The following CDC37L1 variants were observed in gnomAD, a reference collection of about 807,000 sequenced individuals.
The protein encoded by CDC37L1 is cell division cycle 37 like 1, HSP90 cochaperone.
In CDC37L1, 32 loss-of-function variants were observed where a neutral mutation model predicts 45.9. The observed-to-expected ratio is 0.70, with a 90% CI of 0.53 to 0.94. The LOEUF (loss-of-function observed/expected upper bound fraction) is 0.94. Ranked by LOEUF, CDC37L1 falls within the 40% of genes least tolerant of loss-of-function variation. The pLI is 0.00. For missense variants in CDC37L1, 434 were observed against 405.7 expected (o/e 1.07, Z -0.60); for synonymous variants, 150 against 133.0 (o/e 1.13, Z -0.88).
At position 4,706,300 on chromosome 9, in the gene CDC37L1, G is replaced by A. The variant is rs1030115022; in HGVS notation, c.*188G>A. On this transcript the variant is annotated 3_prime_UTR_variant, in exon 7 of 7. Coordinates refer to ENST00000381854, the MANE Select transcript of CDC37L1 (RefSeq NM_017913.4). ...TAGGTTTTTTGTTTTGTTTTGTTCT[G>A]AAGAGAAGAGTGGTACCATATGTTG... 1.5e-5 allele frequency: 6 copies of A among 406,364 alleles called. No individual in the cohort carries two copies. Among genetic ancestry groups the A allele is most frequent in the African/African-American group, 1.0e-4 (5 of 50,136 alleles). 25.2% of individuals were successfully genotyped at this position (406,364 alleles called of 1,614,324 possible).
intron 5 of CDC37L1, 86 bp downstream of exon 5, chr9:4,697,965 C>G: frequency 8.2e-7 from 1 of 1,220,878 alleles, no homozygotes; most frequent in Non-Finnish European, 1.2e-6. Context: ...AGAAGGCATC[C>G]AAGCAGGATG....
chr9:4,684,609 G>C (rs762598357), intron 1 of CDC37L1, among the ~76,000 whole-genome samples: 2 of 152,158 alleles, frequency 1.3e-5, no homozygotes, highest in Non-Finnish European at 2.9e-5. Flanking sequence ...CGTTTGTTAA[G>C]CACTAGCTTT....
chr9:4,696,211 T>G (rs1303963233), intron 3 of CDC37L1, among the ~76,000 whole-genome samples: 1 of 152,242 alleles, frequency 6.6e-6, no homozygotes, highest in East Asian at 1.9e-4. Flanking sequence ...TGATGTGGAA[T>G]TAAATATATA....
In CDC37L1 at chr9:4,701,676, A is replaced by C. The variant is rs539254399; in HGVS notation, c.748-188A>C. Among the ~76,000 whole-genome samples, 4 of 152,296 alleles carry C rather than the reference A, an allele frequency of 2.6e-5. No individual in the cohort carries two copies. The South Asian group carries it at 8.3e-4, about 32-fold the overall frequency. On this transcript the variant is annotated intron_variant, in intron 5 of 6. Transcript: ENST00000381854. ...GAAGCAGAAGGAAATGGAGCAAACCAATTATTAATGTTCCTATAAATCAGG... is the reference window on the plus strand; with the variant it reads ...GAAGCAGAAGGAAATGGAGCAAACCCATTATTAATGTTCCTATAAATCAGG...
chr9:4,703,907 G>A (rs1420475000), intron 6 of CDC37L1, among the ~76,000 whole-genome samples: 1 of 152,116 alleles, frequency 6.6e-6, no homozygotes, highest in East Asian at 1.9e-4. Context: ...ATTAAGCTGG[G>A]CTAATCTCCT....
chr9:4,696,399 T>C (rs942840314), intron 3 of CDC37L1, among the ~76,000 whole-genome samples: 1 of 152,046 alleles, frequency 6.6e-6, no homozygotes, highest in African/African-American at 2.4e-5. Context: ...ATCCCAGCAC[T>C]TTGGGAGGCC....
chr9:4,688,311 T>C (rs530107247), intron 2 of CDC37L1, among the ~76,000 whole-genome samples: 3 of 152,350 alleles, frequency 2.0e-5, no homozygotes, highest in East Asian at 3.9e-4. Flanking sequence ...TACATCATTT[T>C]AAACAAAATT....
Position 4,706,445 on chromosome 9 carries a change from C to A in CDC37L1, c.*333C>A. The A allele has an allele frequency of 5.6e-6, 1 of 178,536 alleles. No homozygotes were observed. The highest frequency in any genetic ancestry group is 1.2e-5 in the Non-Finnish European group (1 of 83,448). 11.1% of individuals were successfully genotyped at this position (178,536 alleles called of 1,614,324 possible). ...CAATGTTTACAAGAACTGGTTGATT[C>A]TGGGAGGCATCTGCTACAGTCTCTT... On this transcript the variant is annotated 3_prime_UTR_variant, in exon 7 of 7. Coordinates refer to ENST00000381854, the MANE Select transcript of CDC37L1 (RefSeq NM_017913.4).
intron 1 of CDC37L1, among the ~76,000 whole-genome samples, chr9:4,680,779 T>C (rs1563765952): frequency 6.6e-6 from 1 of 152,248 alleles, no homozygotes; most frequent in African/African-American, 2.4e-5. Context: ...GTCTGCCGCC[T>C]TCTTGCAAAA....
intron 6 of CDC37L1, 76 bp from the exon 7 acceptor site, chr9:4,705,935 A>T (rs1841437169): frequency 1.6e-6 from 1 of 637,018 alleles, no homozygotes; most frequent in Non-Finnish European, 2.9e-6. Flanking sequence ...AACTGAATAT[A>T]TATGTATGTA....
rs141873380 is a variant in CDC37L1, at chr9:4,698,809, G to A, written c.747+930G>A. ...TAATTTTCATTTTCATTCCTCAGTAGTGTACAATAGAGATTAATGCGGAAG... is the reference window on the plus strand; with the variant it reads ...TAATTTTCATTTTCATTCCTCAGTAATGTACAATAGAGATTAATGCGGAAG... On this transcript the variant is annotated intron_variant, in intron 5 of 6. Coordinates refer to ENST00000381854, the MANE Select transcript of CDC37L1 (RefSeq NM_017913.4). Among the ~76,000 whole-genome samples, 745 of 152,214 alleles carry A rather than the reference G, an allele frequency of 4.9e-3. 4 individuals are homozygous for A. Among genetic ancestry groups the A allele is most frequent in the African/African-American group, 0.016 (672 of 41,522 alleles).
At chr9:4,690,225 GA>G (rs1355734408) in intron 3 of CDC37L1, among the ~76,000 whole-genome samples, 3 of 152,180 alleles carry the variant, frequency 2.0e-5, no homozygotes, top group African/African-American at 4.8e-5. Flanking sequence ...GTGGTATGGT[GA>G]ATAATTCATT....
chr9:4,701,773 C>G, intron 5 of CDC37L1, 91 bp from the exon 6 acceptor site: 2 of 844,640 alleles, frequency 2.4e-6, no homozygotes, highest in African/African-American at 1.8e-5. Context: ...ATTACTTCCT[C>G]CACTTCAAAC....
chr9:4,679,951 C>A, intron 1 of CDC37L1, 52 bp downstream of exon 1: 3 of 1,601,304 alleles, frequency 1.9e-6, no homozygotes, highest in Non-Finnish European at 2.6e-6. Context: ...TGTCGCCAAA[C>A]CCCTGGAATG....
At position 4,707,726 on chromosome 9, in the gene CDC37L1, A is replaced by T. The variant is rs908875350; in HGVS notation, c.*1614A>T. Reference sequence around the variant, plus strand: ...TTAAACCCATGACCTAGTCGTAGACATTTTTTTCTTTTTGTTCTGTTCTGA... The same window carrying T: ...TTAAACCCATGACCTAGTCGTAGACTTTTTTTTCTTTTTGTTCTGTTCTGA... On this transcript the variant is annotated 3_prime_UTR_variant, in exon 7 of 7. Transcript: ENST00000381854. The T allele has an allele frequency of 3.7e-4, 55 of 150,386 alleles. No individual in the cohort carries two copies. Among genetic ancestry groups the T allele is most frequent in the Non-Finnish European group, 6.8e-4 (46 of 67,634 alleles). 9.3% of individuals were successfully genotyped at this position (150,386 alleles called of 1,614,324 possible). A position where few individuals can be genotyped will look rare whatever the true frequency, so the allele number is the denominator to read the frequency against.
Position 4,708,283 on chromosome 9 carries a change from T to A in CDC37L1, c.*2171T>A, listed in dbSNP as rs1048173801. Reference sequence around the variant, plus strand: ...GTTGGACAATTTACCCTAAACAAATTAAACCATGGAAAGTGCAAACACATG... The same window carrying A: ...GTTGGACAATTTACCCTAAACAAATAAAACCATGGAAAGTGCAAACACATG... On this transcript the variant is annotated 3_prime_UTR_variant, in exon 7 of 7. Coordinates refer to ENST00000381854, the MANE Select transcript of CDC37L1 (RefSeq NM_017913.4). 3 of 152,178 alleles carry A rather than the reference T, an allele frequency of 2.0e-5. No homozygotes were observed. Among genetic ancestry groups the A allele is most frequent in the African/African-American group, 7.2e-5 (3 of 41,442 alleles). 9.4% of individuals were successfully genotyped at this position (152,178 alleles called of 1,614,324 possible). A position where few individuals can be genotyped will look rare whatever the true frequency, so the allele number is the denominator to read the frequency against.
chr9:4,682,160 TC>T (rs61265130), intron 1 of CDC37L1, among the ~76,000 whole-genome samples: 22,172 of 74,424 alleles, frequency 0.3, 2,097 homozygotes, highest in African/African-American at 0.39. Context: ...TTATCCTTTC[TC>T]TTTTTTTTTT....
chr9:4,685,504 C>G (rs956799297), intron 2 of CDC37L1: 1 of 182,622 alleles, frequency 5.5e-6, no homozygotes, highest in African/African-American at 2.3e-5. Flanking sequence ...TTTGTACCCC[C>G]TACACTGATT....
intron 6 of CDC37L1, 82 bp from the exon 7 acceptor site, chr9:4,705,927 CTG>C (rs1161223412): frequency 7.0e-6 from 4 of 569,732 alleles, no homozygotes; most frequent in Non-Finnish European, 1.3e-5. Context: ...GACGGTGAAA[CTG>C]AATATATATG....
Sources: allele counts gnomAD v4.1 joint callset (sites outside exome capture counted in the v4.1 genomes callset), GRCh38; gene constraint gnomAD v4.1.1; transcripts MANE v1.5; gene names NCBI Gene and HGNC (gene_info 2026-07-23, HGNC 2026-07-21).